TMEM184B: variants seen among roughly 807,000 people sequenced by gnomAD.
The protein encoded by TMEM184B is transmembrane protein 184B.
TMEM184B carries 17 observed loss-of-function variants against 41.8 expected under a neutral mutation model. That is an observed-to-expected ratio of 0.41 (90% confidence interval 0.28 to 0.61). TMEM184B has a LOEUF of 0.61. Among genes scored for constraint, TMEM184B ranks in the 20% least tolerant of loss-of-function variants. The pLI is 0.34. For missense variants in TMEM184B, 393 were observed against 557.8 expected (o/e 0.70, Z 2.98); for synonymous variants, 240 against 229.5 (o/e 1.05, Z -0.41).
rs578257794 is a variant in TMEM184B, at chr22:38,219,853, C to A, written c.*1616G>T. 309 of 985,476 alleles carry A rather than the reference C, an allele frequency of 3.1e-4. 1 individual carries two copies. The African/African-American group carries it at 4.5e-3, about 14-fold the overall frequency. 61.0% of individuals were successfully genotyped at this position (985,476 alleles called of 1,614,324 possible). A position where few individuals can be genotyped will look rare whatever the true frequency, so the allele number is the denominator to read the frequency against. On this transcript the variant is annotated 3_prime_UTR_variant, in exon 9 of 9. Transcript: ENST00000361906. ...GCTTGGGCCCAACTGCTCCGCCCCC[C>A]CAAGATGGAGGGGGAGAGCTGGCCT...
At position 38,224,778 on chromosome 22, in the gene TMEM184B, C is replaced by T; in HGVS notation, c.982+7G>A. On this transcript the variant is annotated splice_region_variant and intron_variant, in intron 8 of 8. Transcript: ENST00000361906. ...CAGCGGGGGTCGCCTAGGACCCTGG[C>T]TCATACCTTGTGCGTCCAGCCTCTT... 3 of 1,589,102 alleles carry T rather than the reference C, an allele frequency of 1.9e-6. No homozygotes were observed. In the South Asian group the frequency reaches 3.4e-5, roughly 18 times the overall value.
At chr22:38,250,773 C>T (rs1013410516) in intron 1 of TMEM184B, among the ~76,000 whole-genome samples, 1 of 152,190 alleles carries the variant, frequency 6.6e-6, no homozygotes, top group Non-Finnish European at 1.5e-5. Flanking sequence ...GGCAGAGGGG[C>T]AACCCCAGAG....
chr22:38,272,328 G>C (rs1340323434), intron 1 of TMEM184B, among the ~76,000 whole-genome samples: 2 of 152,126 alleles, frequency 1.3e-5, no homozygotes, highest in Non-Finnish European at 2.9e-5. Flanking sequence ...GGTCCCTTTG[G>C]GGGCAAACAT....
At chr22:38,266,647 G>A (rs2092448041) in intron 1 of TMEM184B, among the ~76,000 whole-genome samples, 1 of 152,166 alleles carries the variant, frequency 6.6e-6, no homozygotes, top group Non-Finnish European at 1.5e-5. Context: ...TTTATAACCC[G>A]GTGTTAAGTA....
chr22:38,250,403 C>T (rs2092136696), intron 1 of TMEM184B, among the ~76,000 whole-genome samples: 2 of 152,180 alleles, frequency 1.3e-5, no homozygotes, highest in African/African-American at 4.8e-5. Context: ...GACTAAAACT[C>T]AAAACTGGAG....
In TMEM184B at chr22:38,221,209, G is replaced by GTTAT; in HGVS notation, c.*259_*260insATAA. 1 of 1,338,010 alleles carries GTTAT rather than the reference G, an allele frequency of 7.5e-7. No homozygotes were observed. Among genetic ancestry groups the GTTAT allele is most frequent in the Non-Finnish European group, 9.6e-7 (1 of 1,046,302 alleles). 82.9% of individuals were successfully genotyped at this position (1,338,010 alleles called of 1,614,324 possible). On this transcript the variant is annotated 3_prime_UTR_variant, in exon 9 of 9. Coordinates refer to ENST00000361906, the MANE Select transcript of TMEM184B (RefSeq NM_012264.5). ...CCCCCAGCACAGGACGGGCAGCAGG[G>GTTAT]GCATAAGCCTTGCTCCCAGTGTCCT...
chr22:38,229,646 TCAGC>T (rs1010708267), intron 5 of TMEM184B, among the ~76,000 whole-genome samples: 2 of 115,708 alleles, frequency 1.7e-5, no homozygotes, highest in African/African-American at 7.5e-5. Flanking sequence ...CACAGGGAGG[TCAGC>T]CCAGGAAGCT....
rs1470593867 is a variant in TMEM184B, at chr22:38,219,775, G to C, written c.*1694C>G. On this transcript the variant is annotated 3_prime_UTR_variant, in exon 9 of 9. Transcript: ENST00000361906. ...GACAGCTTGGTGAAAGCAGATGGCGGGGCAGGGCCAGGGCTGGTCCTCAGC... is the reference window on the plus strand; with the variant it reads ...GACAGCTTGGTGAAAGCAGATGGCGCGGCAGGGCCAGGGCTGGTCCTCAGC... 2.3e-5 allele frequency: 23 copies of C among 985,516 alleles called. No homozygotes were observed. Among genetic ancestry groups the C allele is most frequent in the Non-Finnish European group, 2.5e-5 (21 of 830,080 alleles). The allele number at this position is 985,516 out of a possible 1,614,324, so 61.0% of individuals were successfully genotyped here.
At chr22:38,246,613 C>T (rs1187976524) in intron 2 of TMEM184B, 1 of 317,764 alleles carries the variant, frequency 3.1e-6, no homozygotes. Flanking sequence ...GGTGGACACA[C>T]TTCCTGGCCG....
At chr22:38,219,234 A>G, downstream of TMEM184B, 1 of 984,724 alleles carries the variant, frequency 1.0e-6, no homozygotes, top group Non-Finnish European at 1.2e-6. Flanking sequence ...CACTCCACCC[A>G]CCCCAAAGCC....
intron 1 of TMEM184B, among the ~76,000 whole-genome samples, chr22:38,263,147 C>T (rs1439427169): frequency 6.6e-6 from 1 of 152,200 alleles, no homozygotes; most frequent in African/African-American, 2.4e-5. Flanking sequence ...AAGTGATCCT[C>T]CAACATCAGC....
downstream of TMEM184B, among the ~76,000 whole-genome samples, chr22:38,219,125 GC>G (rs1324479079): frequency 2.0e-5 from 3 of 152,168 alleles, no homozygotes; most frequent in African/African-American, 7.2e-5. Flanking sequence ...TCCAAGGGGG[GC>G]CTGGGCCTTG....
At chr22:38,259,900 A>G (rs9619729) in intron 1 of TMEM184B, among the ~76,000 whole-genome samples, 49,106 of 147,444 alleles carry the variant, frequency 0.33, 8,250 homozygotes, top group South Asian at 0.45. Context: ...CTCAGCCTCC[A>G]GAGTAGCTGG....
At chr22:38,240,231 A>G (rs1383902371) in intron 3 of TMEM184B, among the ~76,000 whole-genome samples, 3 of 152,168 alleles carry the variant, frequency 2.0e-5, no homozygotes, top group African/African-American at 7.2e-5. Context: ...GAACAGAAGA[A>G]AACTGCAATG....
At position 38,245,947 on chromosome 22, in the gene TMEM184B, C is replaced by T. The variant is rs934830159; in HGVS notation, c.346G>A (p.Asp116Asn). 3 of 1,480,532 alleles carry T rather than the reference C, an allele frequency of 2.0e-6. No homozygotes were observed. Among genetic ancestry groups the T allele is most frequent in the Non-Finnish European group, 2.7e-6 (3 of 1,095,914 alleles). The allele number at this position is 1,480,532 out of a possible 1,614,324, so 91.7% of individuals were successfully genotyped here. A position where few individuals can be genotyped will look rare whatever the true frequency, so the allele number is the denominator to read the frequency against. Residue 116 changes from aspartate (D) to asparagine (N), a missense_variant, in exon 3 of 9, where the codon GAC becomes AAC. Asp to Asn is a conservative substitution (Grantham distance 23). Transcript: ENST00000361906. ...TCCCCATCCTCACCCTCATAGCAGT[C>T]GCGGACGGTGCCGAAGTACACGTAG... Reference protein sequence around the residue: ...QYYVYFGTVRDCYEALVIYNF... With the variant: ...QYYVYFGTVRNCYEALVIYNF...
At chr22:38,248,216 T>C (rs2092083034) in intron 1 of TMEM184B, among the ~76,000 whole-genome samples, 197 bp from the exon 2 acceptor site, 1 of 152,176 alleles carries the variant, frequency 6.6e-6, no homozygotes, top group African/African-American at 2.4e-5. Flanking sequence ...CTGCCTCTAA[T>C]GACCAGTCCC....
chr22:38,226,771 C>T lies in TMEM184B; in HGVS notation c.617+8G>A, dbSNP rs749342210. ...TCCCACACACCCCGGGGAGCACCCGCTGCTTACTCAAAGTCCCCATCCCGG... is the reference window on the plus strand; with the variant it reads ...TCCCACACACCCCGGGGAGCACCCGTTGCTTACTCAAAGTCCCCATCCCGG... On this transcript the variant is annotated splice_region_variant and intron_variant, in intron 6 of 8. Coordinates refer to ENST00000361906, the MANE Select transcript of TMEM184B (RefSeq NM_012264.5). This position sits in a 1 kb window ranked among gnomAD's most constrained non-coding sequence, Gnocchi z 4.6. The T allele has an allele frequency of 5.0e-6, 8 of 1,591,776 alleles. No individual in the cohort carries two copies. The Admixed American group carries it at 1.4e-4, about 28-fold the overall frequency.
chr22:38,235,430 A>C (rs949410232), intron 3 of TMEM184B, among the ~76,000 whole-genome samples: 1 of 152,196 alleles, frequency 6.6e-6, no homozygotes, highest in East Asian at 1.9e-4. Context: ...CAGTCAGCAC[A>C]CTTTTGAATT....
intron 1 of TMEM184B, among the ~76,000 whole-genome samples, chr22:38,254,828 A>G (rs1418488375): frequency 3.3e-5 from 5 of 151,508 alleles, no homozygotes; most frequent in Non-Finnish European, 5.9e-5. Context: ...TGCAGCCACC[A>G]TGGAAAACAA....
Sources: gnomAD v4.1 joint callset for allele counts (sites outside exome capture counted in the v4.1 genomes callset) on GRCh38, gnomAD v4.1.1 for gene constraint, Gnocchi (gnomAD v3.1) non-coding constraint, MANE v1.5 for transcripts, NCBI Gene and HGNC (gene_info 2026-07-23, HGNC 2026-07-21) for gene names.